FCHO2: variants seen among roughly 807,000 people sequenced by gnomAD.
The protein encoded by FCHO2 is F-BAR domain only protein 2.
FCHO2 carries 43 observed loss-of-function variants against 114.1 expected under a neutral mutation model. The observed-to-expected ratio is 0.38, with a 90% confidence interval of 0.30 to 0.49. The LOEUF (loss-of-function observed/expected upper bound fraction) is 0.49, where lower values mean the gene tolerates loss of function less well. Among genes scored for constraint, FCHO2 ranks in the 20% least tolerant of loss-of-function variants. The pLI is 0.97. For synonymous variants in FCHO2, 293 were observed against 315.2 expected, an observed-to-expected ratio of 0.93 and a Z score of 0.75; for missense variants, 807 against 950.4, an observed-to-expected ratio of 0.85 and a Z score of 1.98.
intron 10 of FCHO2, chr5:73,037,708 G>T (rs1756590697): frequency 5.4e-6 from 2 of 368,564 alleles, no homozygotes; most frequent in Admixed American, 3.6e-5. Context: ...TTTATACTAG[G>T]TCATCATTTT....
At chr5:73,067,094 T>C (rs1449463253) in intron 18 of FCHO2, among the ~76,000 whole-genome samples, 5 of 152,056 alleles carry the variant, frequency 3.3e-5, no homozygotes, top group African/African-American at 1.2e-4. Context: ...AAATTTGCTC[T>C]GTATGTTGTA....
intron 2 of FCHO2, among the ~76,000 whole-genome samples, chr5:72,982,880 A>T (rs539904365): frequency 7.5e-5 from 7 of 93,088 alleles, no homozygotes; most frequent in Admixed American, 2.6e-4. Flanking sequence ...AGTACCATTT[A>T]TTGAAAATAC....
intron 21 of FCHO2, 76 bp downstream of exon 21, chr5:73,077,569 C>T: frequency 7.0e-7 from 1 of 1,428,216 alleles, no homozygotes; most frequent in East Asian, 2.6e-5. Context: ...GTGGCTCACG[C>T]CTGTAATCCC....
chr5:73,026,078 A>T lies in FCHO2; in HGVS notation c.797-8579A>T, dbSNP rs79679882. On this transcript the variant is annotated intron_variant, in intron 8 of 25. Coordinates refer to ENST00000430046, the MANE Select transcript of FCHO2 (RefSeq NM_138782.3). ...TCGGAGGCCGAGGCGACTGAACTCTAACTACTCCATTGAGAACGCCTGCAG... is the reference window on the plus strand; with the variant it reads ...TCGGAGGCCGAGGCGACTGAACTCTTACTACTCCATTGAGAACGCCTGCAG... Among the ~76,000 whole-genome samples the T allele has an allele frequency of 3.6e-3, 542 of 151,918 alleles. 5 individuals are homozygous for T. Among genetic ancestry groups the T allele is most frequent in the African/African-American group, 0.013 (527 of 41,438 alleles).
chr5:72,971,976 G>A (rs1304823520), intron 2 of FCHO2, among the ~76,000 whole-genome samples: 2 of 151,218 alleles, frequency 1.3e-5, no homozygotes, highest in South Asian at 2.1e-4. Flanking sequence ...CCCATTGCTT[G>A]TTTTTCTCAG....
At chr5:73,015,010 A>G (rs1580105843) in intron 6 of FCHO2, among the ~76,000 whole-genome samples, 1 of 140,550 alleles carries the variant, frequency 7.1e-6, no homozygotes, top group Non-Finnish European at 1.5e-5. Context: ...TGGGAGGCGG[A>G]GCTTCCAGTG....
intron 1 of FCHO2, among the ~76,000 whole-genome samples, chr5:72,968,133 C>G (rs975362149): frequency 3.3e-5 from 5 of 151,566 alleles, no homozygotes; most frequent in African/African-American, 4.9e-5. Flanking sequence ...ACCATGTTAG[C>G]CAGGATAGTC....
chr5:73,051,058 C>A, intron 11 of FCHO2: 1 of 291,546 alleles, frequency 3.4e-6, no homozygotes, highest in Non-Finnish European at 6.3e-6. Flanking sequence ...AGATTTTGAG[C>A]AATCTGAATT....
chr5:73,010,336 T>C (rs982678764), intron 6 of FCHO2, among the ~76,000 whole-genome samples: 2 of 152,208 alleles, frequency 1.3e-5, no homozygotes, highest in African/African-American at 4.8e-5. Context: ...TTTACCACTA[T>C]TAATTAATGA....
At chr5:73,085,809 TA>T (rs1743287759) in intron 24 of FCHO2, among the ~76,000 whole-genome samples, 2 of 117,546 alleles carry the variant, frequency 1.7e-5, no homozygotes, top group South Asian at 5.4e-4. Context: ...AATAAATAAA[TA>T]AATAAATAAA....
intron 2 of FCHO2, among the ~76,000 whole-genome samples, chr5:72,975,805 A>G: frequency 6.6e-6 from 1 of 152,066 alleles, no homozygotes. Flanking sequence ...GTGCCTGGCC[A>G]GGCTCATTTC....
At chr5:73,014,876 A>C (rs1755216196) in intron 6 of FCHO2, among the ~76,000 whole-genome samples, 1 of 151,912 alleles carries the variant, frequency 6.6e-6, no homozygotes, top group Admixed American at 6.6e-5. Context: ...CAGGAGATCG[A>C]GACTTTCCTG....
chr5:73,063,620 A>AT (rs1218053998), intron 17 of FCHO2, among the ~76,000 whole-genome samples: 3 of 152,090 alleles, frequency 2.0e-5, no homozygotes, highest in African/African-American at 7.2e-5. Context: ...TGTGTCAGTT[A>AT]TTGAAAGGTT....
chr5:72,976,788 A>G (rs1267354014), intron 2 of FCHO2, among the ~76,000 whole-genome samples: 1 of 91,908 alleles, frequency 1.1e-5, no homozygotes, highest in Non-Finnish European at 2.2e-5. Context: ...CCAGCCCCCA[A>G]CCCCCAAACA....
At chr5:73,076,494 A>G (rs1313481444) in intron 20 of FCHO2, among the ~76,000 whole-genome samples, 1 of 152,176 alleles carries the variant, frequency 6.6e-6, no homozygotes, top group Non-Finnish European at 1.5e-5. Flanking sequence ...GGAAAGATCC[A>G]TTATTTATGG....
rs745468782 is a variant in FCHO2 at position 73,027,087 on chromosome 5, G to C, written c.797-7570G>C. Among the ~76,000 whole-genome samples, 14 of 148,710 alleles carry C rather than the reference G, an allele frequency of 9.4e-5. No individual in the cohort carries two copies. The South Asian group carries it at 1.3e-3, about 14-fold the overall frequency. On this transcript the variant is annotated intron_variant, in intron 8 of 25. Coordinates refer to ENST00000430046, the MANE Select transcript of FCHO2 (RefSeq NM_138782.3). ...GGAATTTGAGTCACTGTAAGAGGATGCTTTGAATATTAAGGCACCTGTGGT... is the reference window on the plus strand; with the variant it reads ...GGAATTTGAGTCACTGTAAGAGGATCCTTTGAATATTAAGGCACCTGTGGT...
intron 13 of FCHO2, 200 bp downstream of exon 13, chr5:73,052,707 T>G: frequency 4.0e-6 from 2 of 505,636 alleles, no homozygotes; most frequent in Non-Finnish European, 3.4e-6. Flanking sequence ...TGTCAAAAAT[T>G]TACTATTTCT....
chr5:72,972,183 G>A (rs1161080466), intron 2 of FCHO2, among the ~76,000 whole-genome samples: 1 of 151,944 alleles, frequency 6.6e-6, no homozygotes, highest in Non-Finnish European at 1.5e-5. Context: ...TGGCGATGCG[G>A]GCTCTTTTTT....
In FCHO2 at chr5:73,025,577, C is replaced by T. The variant is rs546843213; in HGVS notation, c.796+8269C>T. On this transcript the variant is annotated intron_variant, in intron 8 of 25. Transcript: ENST00000430046. ...TATTTTTAGTAGAGATGGGATTTCA[C>T]CATGTTGGCCAGGTTAATCTCAAAC... Among the ~76,000 whole-genome samples the T allele has an allele frequency of 3.7e-4, 56 of 152,162 alleles. 1 individual carries two copies. The South Asian group carries it at 0.011, about 31-fold the overall frequency.
Sources: gnomAD v4.1 joint callset for allele counts (sites outside exome capture counted in the v4.1 genomes callset) on GRCh38, gnomAD v4.1.1 for gene constraint, MANE v1.5 for transcripts, NCBI Gene and HGNC (gene_info 2026-07-23, HGNC 2026-07-21) for gene names.